DENND2A: variants seen among roughly 807,000 people sequenced by gnomAD.
The protein encoded by DENND2A is DENN domain-containing protein 2A.
In DENND2A, 53 loss-of-function variants were observed where a neutral mutation model predicts 105.3. The ratio of observed to expected loss-of-function variants is 0.50; its 90% CI spans 0.40 to 0.63. DENND2A has a LOEUF of 0.63. DENND2A is among the 30% of genes least tolerant of loss of function. DENND2A has a pLI of 0.00. For synonymous variants in DENND2A, 522 were observed against 508.4 expected (o/e 1.03, Z -0.36); for missense variants, 1,138 against 1,279.6 (o/e 0.89, Z 1.69).
At chr7:140,558,695 CAAAAAA>C (rs1232604188) in intron 10 of DENND2A, among the ~76,000 whole-genome samples, 2 of 51,470 alleles carry the variant, frequency 3.9e-5, no homozygotes, top group Non-Finnish European at 4.2e-5. Context: ...GACTCTATCT[CAAAAAA>C]AAAAAAAAAA....
chr7:140,588,845 C>T (rs377594805), intron 3 of DENND2A, among the ~76,000 whole-genome samples: 1 of 150,238 alleles, frequency 6.7e-6, no homozygotes, highest in African/African-American at 2.5e-5. Context: ...TGGGTTCAAG[C>T]GATTCTCCTG....
rs578025250 is a variant in DENND2A at position 140,566,384 on chromosome 7, G to A, written c.1779+702C>T. ...TCATTTTACCCTGCTGACTCGCCCT[G>A]AATTCTTTCTTGTGTGAGATCCAAG... On this transcript the variant is annotated intron_variant, in intron 9 of 19. Coordinates refer to ENST00000496613, the MANE Select transcript of DENND2A (RefSeq NM_015689.5). Among the ~76,000 whole-genome samples, 3 of 152,202 alleles carry A rather than the reference G, an allele frequency of 2.0e-5. No homozygotes were observed. The South Asian group carries it at 6.2e-4, about 32-fold the overall frequency.
intron 14 of DENND2A, among the ~76,000 whole-genome samples, chr7:140,534,081 ATTTTTT>A (rs3042407): frequency 7.5e-5 from 6 of 80,100 alleles, no homozygotes; most frequent in African/African-American, 2.0e-4. Context: ...TGCCTGGTTA[ATTTTTT>A]TTTTTTTTTT....
chr7:140,534,304 C>T (rs1444162601), intron 14 of DENND2A, among the ~76,000 whole-genome samples: 1 of 151,618 alleles, frequency 6.6e-6, no homozygotes, highest in African/African-American at 2.4e-5. Flanking sequence ...TGGCTTATCT[C>T]TAACTCTTGA....
chr7:140,530,059 CAA>C (rs3042405), intron 14 of DENND2A, among the ~76,000 whole-genome samples: 16 of 122,382 alleles, frequency 1.3e-4, no homozygotes, highest in Non-Finnish European at 1.1e-4. Flanking sequence ...CCCTGTTTCT[CAA>C]AAAAAAAAAA....
At chr7:140,585,768 A>C (rs1433514834) in intron 4 of DENND2A, 58 bp from the exon 5 acceptor site, 12 of 1,611,236 alleles carry the variant, frequency 7.4e-6, no homozygotes, top group Non-Finnish European at 8.5e-7. Flanking sequence ...TTCCCTTTTC[A>C]AAACACTGAG....
At chr7:140,595,095 T>C (rs1178879188) in intron 3 of DENND2A, among the ~76,000 whole-genome samples, 1 of 151,282 alleles carries the variant, frequency 6.6e-6, no homozygotes. Flanking sequence ...CAACCTCCAC[T>C]TCCTGGATTC....
At position 140,607,404 on chromosome 7, in the gene DENND2A, G is replaced by T. The variant is rs574137747; in HGVS notation, c.-247-1598C>A. ...CCATGAGCTGGGGGAGCAAGGAAGG[G>T]AACAGACACATCTGCCAACTGTGTG... On this transcript the variant is annotated intron_variant, in intron 1 of 19. Coordinates refer to ENST00000496613, the MANE Select transcript of DENND2A (RefSeq NM_015689.5). 3.3e-5 allele frequency among the ~76,000 whole-genome samples: 5 copies of T among 152,208 alleles called. No homozygotes were observed. In the East Asian group the frequency reaches 9.7e-4, roughly 29 times the overall value.
chr7:140,519,544 G>T (rs1483528356), intron 19 of DENND2A, 88 bp downstream of exon 19: 6 of 1,154,314 alleles, frequency 5.2e-6, no homozygotes, highest in Non-Finnish European at 7.7e-6. Context: ...TATTCAGGGC[G>T]CTGGCTCCAG....
At chr7:140,550,957 CAGTT>C (rs910173518) in intron 12 of DENND2A, among the ~76,000 whole-genome samples, 10 of 151,684 alleles carry the variant, frequency 6.6e-5, no homozygotes, top group Non-Finnish European at 1.0e-4. Context: ...TTGGGGGAGA[CAGTT>C]AGGGAAAACA....
At position 140,523,195 on chromosome 7, in the gene DENND2A, TCCTTATGTCTC is replaced by T; in HGVS notation, c.2665+101_2665+111del. 2 of 930,332 alleles carry T rather than the reference TCCTTATGTCTC, an allele frequency of 2.1e-6. No homozygotes were observed. Among genetic ancestry groups the T allele is most frequent in the Non-Finnish European group, 3.4e-6 (2 of 581,582 alleles). The allele number at this position is 930,332 out of a possible 1,614,324, so 57.6% of individuals were successfully genotyped here. On this transcript the variant is annotated intron_variant, in intron 17 of 19. Transcript: ENST00000496613. This position sits in a 1 kb window ranked among gnomAD's most constrained non-coding sequence, Gnocchi z 4.5. ...AAACAGAATGAGGCCCTGGTTTCTC[TCCTTATGTCTC>T]CCTTGCCCATATTCCTACTTGGCCC...
At chr7:140,624,667 T>C (rs1478645847) in intron 1 of DENND2A, among the ~76,000 whole-genome samples, 1 of 152,026 alleles carries the variant, frequency 6.6e-6, no homozygotes, top group African/African-American at 2.4e-5. Context: ...CTGGATCTGC[T>C]AGTTACACGT....
At chr7:140,531,272 A>T (rs1243490592) in intron 14 of DENND2A, among the ~76,000 whole-genome samples, 5 of 152,208 alleles carry the variant, frequency 3.3e-5, no homozygotes, top group Non-Finnish European at 2.9e-5. Context: ...CCAGGCTACA[A>T]AGTTGCTATG....
chr7:140,621,203 AT>A lies in DENND2A; in HGVS notation c.-247-15398del, dbSNP rs1015582006. 3.6e-4 allele frequency among the ~76,000 whole-genome samples: 54 copies of A among 149,854 alleles called. 1 individual carries two copies. The highest frequency in any genetic ancestry group is 9.0e-4 in the African/African-American group (37 of 41,104). ...GCCACTAGGCTCAGCTAATTAAAAAATTTTTTTTTTTTGTAGAGACAGAGTC... is the reference window on the plus strand; with the variant it reads ...GCCACTAGGCTCAGCTAATTAAAAAATTTTTTTTTTTGTAGAGACAGAGTC... On this transcript the variant is annotated intron_variant, in intron 1 of 19. Coordinates refer to ENST00000496613, the MANE Select transcript of DENND2A (RefSeq NM_015689.5).
chr7:140,572,080 T>A (rs1267316714), intron 6 of DENND2A, among the ~76,000 whole-genome samples: 1 of 152,104 alleles, frequency 6.6e-6, no homozygotes, highest in Non-Finnish European at 1.5e-5. Context: ...CATAGCTCAC[T>A]GCAGCCTCTA....
chr7:140,566,295 G>A (rs1321122932), intron 9 of DENND2A, among the ~76,000 whole-genome samples: 1 of 152,148 alleles, frequency 6.6e-6, no homozygotes, highest in Non-Finnish European at 1.5e-5. Context: ...GCCTCCCAAA[G>A]TACTGGGATT....
rs1458174220 is a variant in DENND2A, at chr7:140,519,170, CTGG to C, written c.2999-435_2999-433del. 2.5e-3 allele frequency among the ~76,000 whole-genome samples: 383 copies of C among 152,346 alleles called. 2 individuals are homozygous for C. The highest frequency in any genetic ancestry group is 8.9e-3 in the African/African-American group (371 of 41,576). ...CCTCACTGCTGCAGACACCTCCCTACTGGGGCCTCCGTCCTCTTTTTTGGCTGT... is the reference window on the plus strand; with the variant it reads ...CCTCACTGCTGCAGACACCTCCCTACGGCCTCCGTCCTCTTTTTTGGCTGT... On this transcript the variant is annotated intron_variant, in intron 19 of 19. Coordinates refer to ENST00000496613, the MANE Select transcript of DENND2A (RefSeq NM_015689.5).
At chr7:140,581,681 A>G (rs146357917) in intron 5 of DENND2A, among the ~76,000 whole-genome samples, 2 of 152,338 alleles carry the variant, frequency 1.3e-5, no homozygotes, top group East Asian at 3.9e-4. Flanking sequence ...GAGCAGAATA[A>G]TGAGCACGGA....
At chr7:140,546,190 C>T (rs1008241840) in intron 13 of DENND2A, among the ~76,000 whole-genome samples, 3 of 152,038 alleles carry the variant, frequency 2.0e-5, no homozygotes, top group Middle Eastern at 3.4e-3. Flanking sequence ...GAGGCTGAGG[C>T]GGGTGGATAA....
Sources: gnomAD v4.1 joint callset for allele counts (sites outside exome capture counted in the v4.1 genomes callset) on GRCh38, gnomAD v4.1.1 for gene constraint, Gnocchi (gnomAD v3.1) non-coding constraint, MANE v1.5 for transcripts, NCBI Gene and HGNC (gene_info 2026-07-23, HGNC 2026-07-21) for gene names.